The following SAMD5 variants were observed in gnomAD, a reference collection of about 807,000 sequenced individuals.
SAMD5 encodes the protein sterile alpha motif domain-containing protein 5.
SAMD5 carries 13 observed loss-of-function variants against 11.3 expected under a neutral mutation model. The observed-to-expected ratio is 1.15, with a 90% CI of 0.75 to 1.83. SAMD5 has a LOEUF of 1.83. Ranked by LOEUF, SAMD5 falls within the 40% of genes most tolerant of loss-of-function variation. SAMD5 has a pLI of 0.00. For synonymous variants in SAMD5, 129 were observed against 111.3 expected (o/e 1.16, Z -1.00); for missense variants, 255 against 239.1 (o/e 1.07, Z -0.44).
At chr6:147,549,532 A>G (rs965623295) in intron 1 of SAMD5, among the ~76,000 whole-genome samples, 1 of 152,096 alleles carries the variant, frequency 6.6e-6, no homozygotes, top group Admixed American at 6.6e-5. Flanking sequence ...TGTATTTCCT[A>G]AGGCTCCTGG....
intron 1 of SAMD5, among the ~76,000 whole-genome samples, chr6:147,537,470 C>T (rs1017411299): frequency 4.6e-5 from 7 of 151,848 alleles, no homozygotes; most frequent in African/African-American, 7.3e-5. Flanking sequence ...AACAGAAAAC[C>T]GGCTGGGCGC....
At chr6:147,794,582 A>G in the SAMD5 span, among the ~76,000 whole-genome samples, 1 of 152,196 alleles carries the variant, frequency 6.6e-6, no homozygotes, top group Non-Finnish European at 1.5e-5. Context: ...CTTTGAGACT[A>G]TGTAAATATA....
At chr6:147,878,213 G>A in the SAMD5 span, among the ~76,000 whole-genome samples, 38 of 152,006 alleles carry the variant, frequency 2.5e-4, no homozygotes, top group African/African-American at 8.2e-4. Context: ...CAAGATGCTG[G>A]CAGGTTCAGT....
At chr6:147,746,995 G>A in the SAMD5 span, among the ~76,000 whole-genome samples, 4 of 152,218 alleles carry the variant, frequency 2.6e-5, no homozygotes, top group Non-Finnish European at 4.4e-5. Context: ...ACCATGTTCA[G>A]TAACAGTCAC....
intron 1 of SAMD5, among the ~76,000 whole-genome samples, chr6:147,533,462 CAAAA>C (rs57455955): frequency 4.5e-5 from 4 of 89,486 alleles, no homozygotes; most frequent in Admixed American, 1.3e-4. Flanking sequence ...AATTCCATCT[CAAAA>C]AAAAAAAAAA....
chr6:147,930,819 A>C, the SAMD5 span, among the ~76,000 whole-genome samples: 1 of 152,164 alleles, frequency 6.6e-6, no homozygotes, highest in South Asian at 2.1e-4. Flanking sequence ...GAGCAAAAAA[A>C]GAAAAGAAAG....
At chr6:147,649,050 A>T (rs1790445004) in intron 1 of SAMD5, among the ~76,000 whole-genome samples, 1 of 152,164 alleles carries the variant, frequency 6.6e-6, no homozygotes, top group African/African-American at 2.4e-5. Context: ...CTTATTAGCA[A>T]TGTTTATGTT....
chr6:147,599,699 C>T (rs1033785711), intron 1 of SAMD5, among the ~76,000 whole-genome samples: 7 of 152,130 alleles, frequency 4.6e-5, no homozygotes, highest in Admixed American at 4.6e-4. Flanking sequence ...ATTTCTGTTC[C>T]ATTTCTTGTC....
At chr6:147,516,675 G>A (rs372587883) in intron 1 of SAMD5, among the ~76,000 whole-genome samples, 1 of 152,232 alleles carries the variant, frequency 6.6e-6, no homozygotes, top group Admixed American at 6.5e-5. Context: ...GGCCTGCACT[G>A]TGAGTCAGCT....
At chr6:147,795,405 T>C in the SAMD5 span, among the ~76,000 whole-genome samples, 1 of 140,682 alleles carries the variant, frequency 7.1e-6, no homozygotes, top group Non-Finnish European at 1.5e-5. Flanking sequence ...TCATCATTTT[T>C]TATGGCTGCA....
intron 1 of SAMD5, among the ~76,000 whole-genome samples, chr6:147,710,903 T>C (rs1171456170): frequency 6.6e-6 from 1 of 151,782 alleles, no homozygotes; most frequent in Non-Finnish European, 1.5e-5. Context: ...CAGTGTCTTG[T>C]GCCTGTTATA....
At chr6:147,538,349 C>G (rs73580691) in intron 1 of SAMD5, among the ~76,000 whole-genome samples, 5,391 of 152,232 alleles carry the variant, frequency 0.035, 307 homozygotes, top group African/African-American at 0.12. Flanking sequence ...CTTTAAGACC[C>G]TCTGAACTAG....
At chr6:147,730,299 A>G (rs1480607182) in intron 1 of SAMD5, 4 of 331,022 alleles carry the variant, frequency 1.2e-5, no homozygotes, top group Non-Finnish European at 2.4e-5. Flanking sequence ...GTGTTGAGGG[A>G]CTAAACACAG....
chr6:147,927,584 A>G, the SAMD5 span, among the ~76,000 whole-genome samples: 12 of 152,208 alleles, frequency 7.9e-5, no homozygotes, highest in African/African-American at 2.7e-4. Context: ...GGGGTTTTCT[A>G]GATATTGAAT....
intron 1 of SAMD5, among the ~76,000 whole-genome samples, chr6:147,620,341 C>A (rs1789940859): frequency 6.6e-6 from 1 of 152,232 alleles, no homozygotes; most frequent in Admixed American, 6.5e-5. Context: ...TCCCGTACGA[C>A]CCCTTACCCA....
chr6:147,581,439 A>G (rs1346426871), intron 1 of SAMD5, among the ~76,000 whole-genome samples: 2 of 152,212 alleles, frequency 1.3e-5, no homozygotes, highest in Non-Finnish European at 2.9e-5. Flanking sequence ...AAGATGGCCC[A>G]GGGACAGCGG....
intron 1 of SAMD5, among the ~76,000 whole-genome samples, chr6:147,672,491 C>A (rs745874942): frequency 1.3e-5 from 2 of 152,012 alleles, no homozygotes; most frequent in African/African-American, 4.8e-5. Flanking sequence ...CATGTTAGTG[C>A]GTGGGGATGT....
intron 1 of SAMD5, among the ~76,000 whole-genome samples, chr6:147,575,134 T>G (rs1407408507): frequency 6.6e-6 from 1 of 152,240 alleles, no homozygotes; most frequent in Non-Finnish European, 1.5e-5. Context: ...GCTAAGTAAA[T>G]GTAAGGTAAT....
At chr6:147,725,636 G>A (rs556505186) in intron 1 of SAMD5, among the ~76,000 whole-genome samples, 2 of 152,242 alleles carry the variant, frequency 1.3e-5, no homozygotes, top group South Asian at 2.1e-4. Flanking sequence ...TGATCCACCC[G>A]CCTTGGCCTC....
Sources: allele counts gnomAD v4.1 joint callset (sites outside exome capture counted in the v4.1 genomes callset), GRCh38; gene constraint gnomAD v4.1.1; transcripts MANE v1.5; gene names NCBI Gene and HGNC (gene_info 2026-07-23, HGNC 2026-07-21).